OXR1: variants seen among roughly 807,000 people sequenced by gnomAD.
OXR1 encodes oxidation resistance protein 1.
A neutral mutation model predicts 104.6 loss-of-function variants in OXR1; 41 were observed. That is an observed-to-expected ratio of 0.39 (90% CI 0.31 to 0.51). OXR1 has a LOEUF of 0.51. Among genes scored for constraint, OXR1 ranks in the 20% least tolerant of loss-of-function variants. The probability of loss-of-function intolerance (pLI) is 0.77; values close to 1 mark genes in which losing one functional copy is unlikely to be tolerated. For synonymous variants in OXR1, 348 were observed against 348.4 expected, an observed-to-expected ratio of 1.00 and a Z score of 0.01; for missense variants, 955 against 1,031.9, an observed-to-expected ratio of 0.93 and a Z score of 1.02.
At chr8:106,334,556 A>G (rs998416950) in intron 1 of OXR1, among the ~76,000 whole-genome samples, 4 of 152,184 alleles carry the variant, frequency 2.6e-5, no homozygotes, top group Admixed American at 2.6e-4. Flanking sequence ...GTTAGCTGTG[A>G]AATTTGGATA....
intron 1 of OXR1, among the ~76,000 whole-genome samples, chr8:106,291,389 C>G (rs1373423603): frequency 6.6e-6 from 1 of 151,992 alleles, no homozygotes; most frequent in Non-Finnish European, 1.5e-5. Context: ...CATTTGTACT[C>G]CAGTACCTAA....
In OXR1 at chr8:106,739,512, C is replaced by T. The variant is rs143082702; in HGVS notation, c.2092C>T (p.Leu698=). Residue 698 remains leucine (L), a synonymous_variant, in exon 13 of 17, where the codon CTG becomes TTG. Transcript: ENST00000517566. ...SKQVATVKAD[L]ESESFRPNLS... The stretch of plus-strand genomic sequence containing the variant: ...GCAGGTTGCTACAGTGAAAGCAGAC[C>T]TGGAGTCTGAATCTTTTCGACCAAA... 5 of 1,612,428 alleles carry T rather than the reference C, an allele frequency of 3.1e-6. No homozygotes were observed. The African/African-American group carries it at 6.7e-5, about 22-fold the overall frequency.
chr8:106,504,658 C>T (rs1283665803), intron 2 of OXR1, among the ~76,000 whole-genome samples: 2 of 152,074 alleles, frequency 1.3e-5, no homozygotes, highest in Non-Finnish European at 2.9e-5. Flanking sequence ...ATGTAAAAGC[C>T]TTCTAATCTA....
intron 3 of OXR1, among the ~76,000 whole-genome samples, chr8:106,554,786 A>G (rs899896377): frequency 6.6e-6 from 1 of 152,204 alleles, no homozygotes; most frequent in Non-Finnish European, 1.5e-5. Context: ...TTGGTTGTCC[A>G]TTAGAATCAG....
At chr8:106,472,667 G>A (rs755105892) in intron 2 of OXR1, among the ~76,000 whole-genome samples, 38 of 151,834 alleles carry the variant, frequency 2.5e-4, no homozygotes, top group Non-Finnish European at 2.7e-4. Flanking sequence ...AGAGACTTAT[G>A]CAATTAAATT....
chr8:106,291,721 A>G (rs1024658772), intron 1 of OXR1, among the ~76,000 whole-genome samples: 46 of 152,292 alleles, frequency 3.0e-4, no homozygotes, highest in African/African-American at 1.1e-3. Context: ...TAATTTTTGA[A>G]GAAAAGGAGG....
At chr8:106,697,889 C>T in intron 7 of OXR1, 1 of 1,612,368 alleles carries the variant, frequency 6.2e-7, no homozygotes, top group Admixed American at 1.7e-5. Flanking sequence ...GACCGGCCCA[C>T]ATCCTTTCGG....
chr8:106,696,869 C>A (rs574953804), intron 7 of OXR1, among the ~76,000 whole-genome samples: 2 of 152,324 alleles, frequency 1.3e-5, no homozygotes, highest in South Asian at 4.1e-4. Context: ...AAATGAGAAG[C>A]CATGAGGGCC....
At chr8:106,714,136 A>G (rs1004655252) in intron 11 of OXR1, 151 bp downstream of exon 11, 1 of 579,532 alleles carries the variant, frequency 1.7e-6, no homozygotes, top group Non-Finnish European at 2.9e-6. Flanking sequence ...TGGTTATTGA[A>G]TGAATCTGAA....
intron 1 of OXR1, among the ~76,000 whole-genome samples, chr8:106,291,141 G>T (rs1812733932): frequency 1.3e-5 from 2 of 152,154 alleles, no homozygotes; most frequent in Non-Finnish European, 2.9e-5. Context: ...GTCCTTTACA[G>T]CAACATGGAT....
At chr8:106,688,636 A>C (rs952980005) in intron 6 of OXR1, among the ~76,000 whole-genome samples, 1 of 152,146 alleles carries the variant, frequency 6.6e-6, no homozygotes, top group African/African-American at 2.4e-5. Flanking sequence ...TTAATCTTTA[A>C]CACTTTAATA....
chr8:106,664,795 T>C (rs1464219853), intron 3 of OXR1, among the ~76,000 whole-genome samples: 2 of 152,344 alleles, frequency 1.3e-5, no homozygotes, highest in Middle Eastern at 3.4e-3. Context: ...AGAAGCAATG[T>C]GTTTAAAATA....
intron 3 of OXR1, among the ~76,000 whole-genome samples, chr8:106,586,434 C>T (rs1818635403): frequency 6.6e-6 from 1 of 152,144 alleles, no homozygotes; most frequent in South Asian, 2.1e-4. Flanking sequence ...GTGAAGGTGG[C>T]ACAGGTTTGC....
intron 2 of OXR1, among the ~76,000 whole-genome samples, chr8:106,381,345 G>A (rs1817141327): frequency 6.6e-6 from 1 of 152,170 alleles, no homozygotes; most frequent in East Asian, 1.9e-4. Flanking sequence ...TAGGAGAGAG[G>A]AGGCTGGTGA....
At chr8:106,415,420 T>A (rs1225806339) in intron 2 of OXR1, among the ~76,000 whole-genome samples, 1 of 152,198 alleles carries the variant, frequency 6.6e-6, no homozygotes, top group Non-Finnish European at 1.5e-5. Flanking sequence ...GCAACTAAGA[T>A]AATTTTTTAA....
chr8:106,710,371 C>T (rs1284800792), intron 9 of OXR1, among the ~76,000 whole-genome samples: 1 of 151,816 alleles, frequency 6.6e-6, no homozygotes, highest in Non-Finnish European at 1.5e-5. Context: ...GAAACTTTTA[C>T]TTTTTTTCTT....
chr8:106,603,833 A>C (rs934503950), intron 3 of OXR1, among the ~76,000 whole-genome samples: 2 of 152,084 alleles, frequency 1.3e-5, no homozygotes, highest in Non-Finnish European at 2.9e-5. Context: ...CGGGTGGATC[A>C]CTTGAGGTCA....
chr8:106,286,389 TTCA>T (rs1172694970), intron 1 of OXR1, among the ~76,000 whole-genome samples: 2 of 135,554 alleles, frequency 1.5e-5, no homozygotes, highest in Non-Finnish European at 1.6e-5. Flanking sequence ...TTTTTTTTTT[TTCA>T]ATGAAAAGAA....
intron 2 of OXR1, among the ~76,000 whole-genome samples, chr8:106,457,925 T>C (rs1446826951): frequency 1.3e-5 from 2 of 152,172 alleles, no homozygotes; most frequent in African/African-American, 4.8e-5. Flanking sequence ...GACAGAGCTG[T>C]GTAGCTGCTT....
Sources: gnomAD v4.1 joint callset for allele counts (sites outside exome capture counted in the v4.1 genomes callset) on GRCh38, gnomAD v4.1.1 for gene constraint, MANE v1.5 for transcripts, NCBI Gene and HGNC (gene_info 2026-07-23, HGNC 2026-07-21) for gene names.